Variants in TBC1D22A observed in about 807,000 individuals in gnomAD.
TBC1D22A encodes the protein putative GTPase activator.
In TBC1D22A, 38 loss-of-function variants were observed where a neutral mutation model predicts 60.2. That is an observed-to-expected ratio of 0.63 (90% CI 0.49 to 0.83). The LOEUF is 0.83. TBC1D22A is among the 40% of genes least tolerant of loss of function. The pLI is 0.00. For synonymous variants in TBC1D22A, 302 were observed against 281.7 expected (o/e 1.07, Z -0.72); for missense variants, 628 against 701.0 (o/e 0.90, Z 1.18).
At chr22:46,959,348 A>C (rs1477548145) in intron 8 of TBC1D22A, among the ~76,000 whole-genome samples, 1 of 152,198 alleles carries the variant, frequency 6.6e-6, no homozygotes, top group Non-Finnish European at 1.5e-5. Flanking sequence ...TGTTGTGAAC[A>C]GTGGGTCCTG....
At chr22:47,000,565 C>T (rs1350806410) in intron 10 of TBC1D22A, among the ~76,000 whole-genome samples, 2 of 152,110 alleles carry the variant, frequency 1.3e-5, no homozygotes, top group Non-Finnish European at 2.9e-5. Context: ...CGGCAGCCTT[C>T]GAGGGTGTGT....
chr22:47,157,155 G>C (rs541139233), intron 12 of TBC1D22A, among the ~76,000 whole-genome samples: 1 of 152,330 alleles, frequency 6.6e-6, no homozygotes, highest in East Asian at 1.9e-4. Flanking sequence ...CTCCTGTGTT[G>C]GCTCTTTTCA....
intron 12 of TBC1D22A, among the ~76,000 whole-genome samples, chr22:47,112,494 G>T (rs73888878): frequency 6.6e-6 from 1 of 152,198 alleles, no homozygotes; most frequent in Non-Finnish European, 1.5e-5. Context: ...TTGTTCCCCA[G>T]CTCTGTGCTT....
At chr22:47,071,446 C>T (rs1359633958) in intron 11 of TBC1D22A, among the ~76,000 whole-genome samples, 1 of 152,230 alleles carries the variant, frequency 6.6e-6, no homozygotes, top group East Asian at 1.9e-4. Flanking sequence ...ACTCTGCCCT[C>T]CCAGCCACCT....
chr22:46,839,082 T>A (rs2086641117), intron 4 of TBC1D22A, among the ~76,000 whole-genome samples: 1 of 152,194 alleles, frequency 6.6e-6, no homozygotes, highest in African/African-American at 2.4e-5. Flanking sequence ...CGCATGATCT[T>A]ATACGTAGAT....
chr22:46,864,113 G>A (rs1293774521), intron 4 of TBC1D22A, among the ~76,000 whole-genome samples: 1 of 152,174 alleles, frequency 6.6e-6, no homozygotes, highest in Non-Finnish European at 1.5e-5. Flanking sequence ...CTTCCTATTT[G>A]TAACCAGAAG....
intron 4 of TBC1D22A, among the ~76,000 whole-genome samples, chr22:46,803,389 C>CT (rs1161075123): frequency 1.3e-5 from 2 of 152,184 alleles, no homozygotes; most frequent in African/African-American, 4.8e-5. Flanking sequence ...TGTTGGAGGC[C>CT]TGAGGAAGGG....
At chr22:46,798,066 C>T (rs893966853) in intron 4 of TBC1D22A, among the ~76,000 whole-genome samples, 1 of 152,084 alleles carries the variant, frequency 6.6e-6, no homozygotes, top group Admixed American at 6.5e-5. Context: ...TCTACAGATA[C>T]GGGTCTGCCT....
At chr22:47,157,425 G>T (rs935960995) in intron 12 of TBC1D22A, among the ~76,000 whole-genome samples, 1 of 152,234 alleles carries the variant, frequency 6.6e-6, no homozygotes, top group Non-Finnish European at 1.5e-5. Context: ...TTGTGTGTTT[G>T]TGGTGTGTGC....
chr22:46,878,228 GAAGA>G (rs929066141), intron 4 of TBC1D22A, among the ~76,000 whole-genome samples: 2 of 109,546 alleles, frequency 1.8e-5, no homozygotes, highest in African/African-American at 7.0e-5. Context: ...AGTTGAGATG[GAAGA>G]AAGAAAGGAA....
At chr22:47,006,886 T>C (rs1474257804) in intron 10 of TBC1D22A, among the ~76,000 whole-genome samples, 1 of 152,052 alleles carries the variant, frequency 6.6e-6, no homozygotes, top group South Asian at 2.1e-4. Flanking sequence ...TGCTCAGAGG[T>C]AGGAGGAAGT....
At chr22:46,970,795 GC>G (rs1360673105) in intron 8 of TBC1D22A, among the ~76,000 whole-genome samples, 1 of 152,284 alleles carries the variant, frequency 6.6e-6, no homozygotes, top group East Asian at 1.9e-4. Context: ...ACAGATAGAA[GC>G]CAGGGAAAAC....
chr22:46,956,856 C>T (rs1301955231), intron 8 of TBC1D22A, among the ~76,000 whole-genome samples: 1 of 152,254 alleles, frequency 6.6e-6, no homozygotes, highest in Non-Finnish European at 1.5e-5. Context: ...CTGTTGAGCA[C>T]AGACTTTCCG....
chr22:46,917,107 G>C (rs538084982), intron 8 of TBC1D22A, among the ~76,000 whole-genome samples: 1 of 152,202 alleles, frequency 6.6e-6, no homozygotes, highest in Non-Finnish European at 1.5e-5. Flanking sequence ...AGTTAGCACA[G>C]CCATTGGAGA....
At chr22:46,966,142 T>TC (rs1491469665) in intron 8 of TBC1D22A, among the ~76,000 whole-genome samples, 3 of 152,192 alleles carry the variant, frequency 2.0e-5, no homozygotes, top group African/African-American at 7.2e-5. Flanking sequence ...GTCTGTGAAC[T>TC]TTCTGCCTTC....
chr22:46,960,212 C>T (rs934439210), intron 8 of TBC1D22A, among the ~76,000 whole-genome samples: 16 of 151,922 alleles, frequency 1.1e-4, no homozygotes, highest in Admixed American at 2.6e-4. Context: ...TGGTACTGGC[C>T]TGTTATATAG....
intron 11 of TBC1D22A, among the ~76,000 whole-genome samples, chr22:47,074,529 C>T (rs2064126586): frequency 6.6e-6 from 1 of 152,248 alleles, no homozygotes; most frequent in East Asian, 1.9e-4. Flanking sequence ...CATTGATCCT[C>T]AGCTACATCC....
chr22:46,787,020 T>G (rs2084187936), intron 1 of TBC1D22A, among the ~76,000 whole-genome samples: 2 of 152,312 alleles, frequency 1.3e-5, no homozygotes, highest in Admixed American at 6.5e-5. Flanking sequence ...ATGTATCTAG[T>G]CATATTTCCT....
At chr22:46,816,441 A>C (rs528989493) in intron 4 of TBC1D22A, among the ~76,000 whole-genome samples, 1 of 152,356 alleles carries the variant, frequency 6.6e-6, no homozygotes, top group South Asian at 2.1e-4. Context: ...TTCTCTAAGC[A>C]CTGAATGAAG....
Sources: allele counts gnomAD v4.1 joint callset (sites outside exome capture counted in the v4.1 genomes callset), GRCh38; gene constraint gnomAD v4.1.1; transcripts MANE v1.5; gene names NCBI Gene and HGNC (gene_info 2026-07-23, HGNC 2026-07-21).